Variants in AGBL4 observed in about 807,000 individuals in gnomAD.
The protein encoded by AGBL4 is cytosolic carboxypeptidase 6.
Under a neutral mutation model 66.4 loss-of-function variants are expected in AGBL4, and 58 were observed. The ratio of observed to expected loss-of-function variants is 0.87; its 90% confidence interval spans 0.71 to 1.09. The LOEUF is 1.09. Ranked by LOEUF, AGBL4 falls within the 50% of genes least tolerant of loss-of-function variation. AGBL4 has a pLI of 0.00. For missense variants in AGBL4, 579 were observed against 631.0 expected (o/e 0.92, Z 0.88); for synonymous variants, 234 against 222.9 (o/e 1.05, Z -0.44).
intron 1 of AGBL4, among the ~76,000 whole-genome samples, chr1:49,962,898 A>T (rs1657234010): frequency 6.6e-6 from 1 of 152,144 alleles, no homozygotes; most frequent in African/African-American, 2.4e-5. Context: ...GATTAAATCA[A>T]GGTCATAAAA....
intron 6 of AGBL4, among the ~76,000 whole-genome samples, chr1:48,694,337 G>A (rs1646682858): frequency 6.6e-6 from 1 of 152,148 alleles, no homozygotes; most frequent in Non-Finnish European, 1.5e-5. Flanking sequence ...AAAGCATCAT[G>A]GATTTAGATG....
At chr1:48,979,714 G>A (rs924795106) in intron 5 of AGBL4, among the ~76,000 whole-genome samples, 1 of 151,904 alleles carries the variant, frequency 6.6e-6, no homozygotes, top group African/African-American at 2.4e-5. Flanking sequence ...AGTTTGTACT[G>A]GCAGGGATAT....
At chr1:49,361,782 C>T (rs571773952) in intron 3 of AGBL4, among the ~76,000 whole-genome samples, 31 of 152,206 alleles carry the variant, frequency 2.0e-4, no homozygotes, top group Admixed American at 7.9e-4. Flanking sequence ...CACACACGCA[C>T]GCATTACTTA....
rs565912002 is a variant in AGBL4, at chr1:49,541,303, G to A, written c.282+156010C>T. On this transcript the variant is annotated intron_variant, in intron 3 of 13. Coordinates refer to ENST00000371839, the MANE Select transcript of AGBL4 (RefSeq NM_032785.4). The stretch of plus-strand genomic sequence containing the variant: ...CTCTGGGCTGGCCGAGGTCAGAGCC[G>A]CCTCCCTCTGCTTGCAGAGAGGTGT... Among the ~76,000 whole-genome samples, 21 of 152,286 alleles carry A rather than the reference G, an allele frequency of 1.4e-4. No individual in the cohort carries two copies. In the East Asian group the frequency reaches 3.1e-3, roughly 22 times the overall value.
chr1:49,874,347 G>C (rs1646918146), intron 1 of AGBL4, among the ~76,000 whole-genome samples: 1 of 151,948 alleles, frequency 6.6e-6, no homozygotes, highest in Non-Finnish European at 1.5e-5. Flanking sequence ...TGTCAACTGG[G>C]AGGAGAAAAA....
At chr1:49,648,639 G>A (rs939931992) in intron 3 of AGBL4, among the ~76,000 whole-genome samples, 1 of 151,712 alleles carries the variant, frequency 6.6e-6, no homozygotes, top group Admixed American at 6.6e-5. Context: ...CCTTATCTAG[G>A]GGTAAGTAAA....
chr1:49,805,577 G>A (rs1012395591), intron 2 of AGBL4, among the ~76,000 whole-genome samples: 1 of 152,192 alleles, frequency 6.6e-6, no homozygotes, highest in Non-Finnish European at 1.5e-5. Context: ...AAGAACTGCT[G>A]AGGTGATGTC....
intron 5 of AGBL4, among the ~76,000 whole-genome samples, chr1:48,946,327 TG>T (rs1238324811): frequency 5.9e-5 from 9 of 152,350 alleles, no homozygotes; most frequent in Admixed American, 5.2e-4. Flanking sequence ...GCTGAATGAA[TG>T]GACAAATAAT....
intron 3 of AGBL4, among the ~76,000 whole-genome samples, chr1:49,318,061 GAT>G (rs1389435200): frequency 6.6e-6 from 1 of 152,006 alleles, no homozygotes; most frequent in Non-Finnish European, 1.5e-5. Context: ...ATTTTTAAAA[GAT>G]AGAGCTTCTT....
intron 3 of AGBL4, among the ~76,000 whole-genome samples, chr1:49,384,090 C>T (rs1286151848): frequency 6.6e-6 from 1 of 151,870 alleles, no homozygotes; most frequent in Admixed American, 6.6e-5. Flanking sequence ...CCACCATGCC[C>T]GGCCAACTAT....
intron 3 of AGBL4, among the ~76,000 whole-genome samples, chr1:49,611,403 G>A (rs564107967): frequency 7.2e-6 from 1 of 138,522 alleles, no homozygotes; most frequent in Non-Finnish European, 1.5e-5. Flanking sequence ...TTGAGATGGA[G>A]TCGCACTCTG....
chr1:49,572,790 C>T (rs1202524623), intron 3 of AGBL4, among the ~76,000 whole-genome samples: 9 of 152,074 alleles, frequency 5.9e-5, no homozygotes, highest in Non-Finnish European at 1.3e-4. Context: ...AAGTATTAAT[C>T]CTGGGTGTGT....
intron 4 of AGBL4, among the ~76,000 whole-genome samples, chr1:49,060,584 G>A (rs945314926): frequency 2.0e-5 from 3 of 152,116 alleles, no homozygotes; most frequent in African/African-American, 7.2e-5. Context: ...AGGGGGTGGG[G>A]GAGTGGTGCT....
intron 6 of AGBL4, among the ~76,000 whole-genome samples, chr1:48,831,435 T>C (rs1210317927): frequency 6.6e-6 from 1 of 152,226 alleles, no homozygotes; most frequent in Non-Finnish European, 1.5e-5. Context: ...CCTACCTCTC[T>C]GCTGAAGCCA....
chr1:49,420,874 GC>G, intron 3 of AGBL4, among the ~76,000 whole-genome samples: 1 of 152,150 alleles, frequency 6.6e-6, no homozygotes, highest in Non-Finnish European at 1.5e-5. Flanking sequence ...ATAATGAGGT[GC>G]ATAAGACAGC....
intron 5 of AGBL4, among the ~76,000 whole-genome samples, chr1:48,874,982 C>A (rs1458920728): frequency 1.3e-5 from 2 of 152,250 alleles, no homozygotes; most frequent in East Asian, 3.9e-4. Context: ...CCAGATAACA[C>A]CTTGCCTCAA....
At chr1:49,569,104 TATG>T (rs1214494588) in intron 3 of AGBL4, among the ~76,000 whole-genome samples, 1 of 152,178 alleles carries the variant, frequency 6.6e-6, no homozygotes, top group Non-Finnish European at 1.5e-5. Flanking sequence ...TGGAAGTCAT[TATG>T]ATAAGTGAAA....
intron 2 of AGBL4, among the ~76,000 whole-genome samples, chr1:49,820,594 G>C (rs999537331): frequency 5.3e-5 from 8 of 152,114 alleles, no homozygotes; most frequent in Non-Finnish European, 1.2e-4. Context: ...CACAGGGATT[G>C]AGCCAAAGTT....
chr1:48,624,251 G>A (rs1019329813), intron 9 of AGBL4, among the ~76,000 whole-genome samples: 1 of 152,166 alleles, frequency 6.6e-6, no homozygotes, highest in South Asian at 2.1e-4. Context: ...ATGCAATACA[G>A]TGAGAGAGAA....
Sources: allele counts gnomAD v4.1 joint callset (sites outside exome capture counted in the v4.1 genomes callset), GRCh38; gene constraint gnomAD v4.1.1; transcripts MANE v1.5; gene names NCBI Gene and HGNC (gene_info 2026-07-23, HGNC 2026-07-21).